KLHL32: variants seen among roughly 807,000 people sequenced by gnomAD.
The protein encoded by KLHL32 is kelch like family member 32.
KLHL32 carries 35 observed loss-of-function variants against 64.8 expected under a neutral mutation model. That is an observed-to-expected ratio of 0.54 (90% CI 0.41 to 0.72). The LOEUF is 0.72. Ranked by LOEUF, KLHL32 falls within the 30% of genes least tolerant of loss-of-function variation. The probability of loss-of-function intolerance (pLI) is 0.00; values close to 1 mark genes in which losing one functional copy is unlikely to be tolerated. For missense variants in KLHL32, 589 were observed against 768.5 expected (o/e 0.77, Z 2.76); for synonymous variants, 259 against 281.0 (o/e 0.92, Z 0.78).
chr6:97,139,432 T>TA lies in KLHL32; in HGVS notation c.*151dup. 1 of 669,102 alleles carries TA rather than the reference T, an allele frequency of 1.5e-6. No individual in the cohort carries two copies. The highest frequency in any genetic ancestry group is 2.8e-5 in the East Asian group (1 of 35,792). The allele number at this position is 669,102 out of a possible 1,614,324, so 41.4% of individuals were successfully genotyped here. On this transcript the variant is annotated 3_prime_UTR_variant, in exon 11 of 11. Coordinates refer to ENST00000369261, the MANE Select transcript of KLHL32 (RefSeq NM_052904.4). ...GCAAAAAATGAACAATTTTCTAAAA[T>TA]ACGTTATTGAAAACTCGTCACCCTT...
intron 4 of KLHL32, among the ~76,000 whole-genome samples, chr6:97,052,510 A>G (rs979446061): frequency 7.2e-5 from 11 of 152,252 alleles, no homozygotes; most frequent in African/African-American, 2.7e-4. Context: ...CGGGGCTTCA[A>G]TCTGTGTAAA....
At chr6:96,980,589 T>C (rs113621224) in intron 3 of KLHL32, among the ~76,000 whole-genome samples, 1,687 of 152,272 alleles carry the variant, frequency 0.011, 41 homozygotes, top group African/African-American at 0.039. Context: ...ATTTTTACAT[T>C]TATGTTCATC....
chr6:96,912,414 A>G, the KLHL32 span, among the ~76,000 whole-genome samples: 1 of 152,032 alleles, frequency 6.6e-6, no homozygotes, highest in Non-Finnish European at 1.5e-5. Flanking sequence ...TTGCATCTTT[A>G]GTCAATAAGT....
chr6:96,938,310 C>G (rs1770860831), intron 1 of KLHL32, among the ~76,000 whole-genome samples: 1 of 152,172 alleles, frequency 6.6e-6, no homozygotes, highest in African/African-American at 2.4e-5. Context: ...TCACCAGCAT[C>G]AGGATCAGAC....
chr6:97,070,178 G>A (rs1394870219), intron 5 of KLHL32, among the ~76,000 whole-genome samples: 1 of 152,120 alleles, frequency 6.6e-6, no homozygotes, highest in African/African-American at 2.4e-5. Context: ...CTAGAGCTGA[G>A]GCTTTTGTGT....
intron 1 of KLHL32, among the ~76,000 whole-genome samples, chr6:96,932,616 T>C (rs960081690): frequency 7.6e-6 from 1 of 132,076 alleles, no homozygotes; most frequent in African/African-American, 2.8e-5. Flanking sequence ...TCACCCAGGC[T>C]GGAGTGCAGT....
chr6:96,948,957 C>T (rs576077990), intron 1 of KLHL32, among the ~76,000 whole-genome samples: 10 of 152,252 alleles, frequency 6.6e-5, no homozygotes, highest in South Asian at 2.1e-4. Flanking sequence ...TTCTTATCTC[C>T]GACTTTAGAA....
At chr6:96,905,923 T>C in the KLHL32 span, among the ~76,000 whole-genome samples, 13 of 152,338 alleles carry the variant, frequency 8.5e-5, no homozygotes, top group Admixed American at 2.6e-4. Flanking sequence ...CTGGGAAGTA[T>C]ATGAAGTGTC....
intron 1 of KLHL32, among the ~76,000 whole-genome samples, chr6:96,954,780 A>T (rs1028466823): frequency 6.6e-6 from 1 of 152,210 alleles, no homozygotes; most frequent in Non-Finnish European, 1.5e-5. Context: ...ACGGACAGTA[A>T]CCATGTAGTG....
chr6:96,920,829 A>G (rs562811603), upstream of KLHL32, among the ~76,000 whole-genome samples: 1 of 152,144 alleles, frequency 6.6e-6, no homozygotes, highest in South Asian at 2.1e-4. Flanking sequence ...TCTCTCAAAT[A>G]TTACCAAGCT....
intron 2 of KLHL32, among the ~76,000 whole-genome samples, chr6:96,973,815 T>G (rs1400818895): frequency 6.7e-6 from 1 of 149,500 alleles, no homozygotes; most frequent in Admixed American, 6.8e-5. Context: ...CTCCACCTAC[T>G]GGGTTCAAGC....
chr6:97,008,820 C>T (rs1472498339), intron 3 of KLHL32, among the ~76,000 whole-genome samples: 1 of 152,126 alleles, frequency 6.6e-6, no homozygotes, highest in Admixed American at 6.5e-5. Flanking sequence ...GCCTTCTCTC[C>T]AAAGATCTGC....
At chr6:97,106,669 G>T (rs964615443) in intron 6 of KLHL32, among the ~76,000 whole-genome samples, 2 of 151,850 alleles carry the variant, frequency 1.3e-5, no homozygotes, top group Non-Finnish European at 2.9e-5. Context: ...GCTTGAGCCT[G>T]GGAGGCAGAA....
At chr6:97,080,415 A>T (rs2128173313) in intron 5 of KLHL32, among the ~76,000 whole-genome samples, 1 of 152,354 alleles carries the variant, frequency 6.6e-6, no homozygotes, top group South Asian at 2.1e-4. Flanking sequence ...CATTAAACAC[A>T]CATGTATTAA....
At chr6:97,025,971 G>A (rs964693139) in intron 3 of KLHL32, among the ~76,000 whole-genome samples, 7 of 151,428 alleles carry the variant, frequency 4.6e-5, no homozygotes, top group Admixed American at 6.6e-5. Flanking sequence ...GGAGGCCCTA[G>A]AAGAAAAAAC....
chr6:96,929,852 G>A (rs1486248785), intron 1 of KLHL32, among the ~76,000 whole-genome samples: 2 of 152,156 alleles, frequency 1.3e-5, no homozygotes, highest in Admixed American at 6.5e-5. Context: ...ATGGCAGAAA[G>A]CATTGAAAGC....
chr6:96,990,088 TCATTTCAGC>T (rs1221375157), intron 3 of KLHL32, among the ~76,000 whole-genome samples: 11 of 152,328 alleles, frequency 7.2e-5, no homozygotes, highest in Non-Finnish European at 1.3e-4. Context: ...TCTCTGTCTG[TCATTTCAGC>T]CATTTCAGCC....
chr6:97,029,852 A>ATT (rs1234396634), intron 3 of KLHL32, among the ~76,000 whole-genome samples: 1 of 152,236 alleles, frequency 6.6e-6, no homozygotes, highest in East Asian at 1.9e-4. Flanking sequence ...ATCTTTGTTG[A>ATT]TTCAGAAGTT....
intron 7 of KLHL32, among the ~76,000 whole-genome samples, chr6:97,117,610 T>C (rs1797931423): frequency 6.6e-6 from 1 of 152,204 alleles, no homozygotes; most frequent in Admixed American, 6.5e-5. Flanking sequence ...TAGAGTCGAA[T>C]TGTACAGGCT....
Sources: allele counts gnomAD v4.1 joint callset (sites outside exome capture counted in the v4.1 genomes callset), GRCh38; gene constraint gnomAD v4.1.1; transcripts MANE v1.5; gene names NCBI Gene and HGNC (gene_info 2026-07-23, HGNC 2026-07-21).